Variants in PAM16 observed in about 807,000 individuals in gnomAD.
The protein encoded by PAM16 is presequence translocase associated motor 16.
In PAM16, 11 loss-of-function variants were observed where a neutral mutation model predicts 17.9. That is an observed-to-expected ratio of 0.62 (90% CI 0.39 to 1.02). The LOEUF (loss-of-function observed/expected upper bound fraction) is 1.02. Ranked by LOEUF, PAM16 falls within the 50% of genes least tolerant of loss-of-function variation. The pLI is 0.01. For missense variants in PAM16, 199 were observed against 165.4 expected, an observed-to-expected ratio of 1.20 and a Z score of -1.11; for synonymous variants, 72 against 67.4, an observed-to-expected ratio of 1.07 and a Z score of -0.34.
chr16:4,344,201 TGTGAGAGGAGGGCGTTCC>T (rs1567230830), intron 1 of PAM16: 12 of 287,614 alleles, frequency 4.2e-5, no homozygotes, highest in African/African-American at 1.0e-4. Flanking sequence ...GGGGGTTCTG[TGTGAGAGGAGGGCGTTCC>T]GTGAGAGGAG....
intron 2 of PAM16, 94 bp from the exon 3 acceptor site, chr16:4,341,598 G>A: frequency 6.7e-7 from 1 of 1,489,168 alleles, no homozygotes; most frequent in Non-Finnish European, 8.9e-7. Context: ...CACCAGCACA[G>A]GATGAGAGAC....
intron 1 of PAM16, among the ~76,000 whole-genome samples, chr16:4,350,491 C>T (rs2053833843): frequency 1.3e-5 from 2 of 151,922 alleles, no homozygotes; most frequent in African/African-American, 2.4e-5. Context: ...ACCTCTGTCT[C>T]GCGGGTTCAA....
chr16:4,345,562 C>T (rs2053745061), intron 1 of PAM16: 7 of 152,200 alleles, frequency 4.6e-5, no homozygotes, highest in Admixed American at 4.6e-4. Context: ...CTCCGAGGAC[C>T]TGCTCTTTCC....
At position 4,351,266 on chromosome 16, in the gene PAM16, C is replaced by A; in HGVS notation, c.-32G>T. The stretch of plus-strand genomic sequence containing the variant: ...CGCTCTGCCTCCGGGGCTCAAACTC[C>A]GACTTCCTGGCCCCGCGGCCGGGGA... On this transcript the variant is annotated 5_prime_UTR_variant, in exon 1 of 5. Transcript: ENST00000318059. 6.8e-7 allele frequency: 1 copy of A among 1,462,972 alleles called. No individual in the cohort carries two copies. 90.6% of individuals were successfully genotyped at this position (1,462,972 alleles called of 1,614,324 possible).
chr16:4,343,150 G>A (rs566954420), intron 2 of PAM16, 57 bp downstream of exon 2: 2 of 1,610,610 alleles, frequency 1.2e-6, no homozygotes, highest in African/African-American at 1.3e-5. Flanking sequence ...TGGCTACGGG[G>A]AAAATCTGAC....
chr16:4,344,709 C>G (rs528617303), intron 1 of PAM16, among the ~76,000 whole-genome samples: 1 of 1,618 alleles, frequency 6.2e-4, no homozygotes, highest in African/African-American at 5.8e-3. Flanking sequence ...GAAGGGGGTT[C>G]CGTGAGAGGA....
In PAM16 at chr16:4,340,338, C is replaced by A. The variant is rs1326418914; in HGVS notation, c.359G>T (p.Gly120Val). The change falls in exon 5 of 5, where the codon GGG becomes GTG. Residue 120 changes from glycine (G) to valine (V), a missense_variant. Transcript: ENST00000318059. ...GAGCAGTCACGTATGGGGCATCTGCCCTTTTTCTCTGTCCTCCTGGGCCTG... is the reference window on the plus strand; with the variant it reads ...GAGCAGTCACGTATGGGGCATCTGCACTTTTTCTCTGTCCTCCTGGGCCTG... Reference protein sequence around the residue: ...KIQAQEDREKGQMPHT With the variant: ...KIQAQEDREKVQMPHT 1.2e-6 allele frequency: 2 copies of A among 1,612,962 alleles called. No homozygotes were observed. Among genetic ancestry groups the A allele is most frequent in the Non-Finnish European group, 1.7e-6 (2 of 1,179,874 alleles).
chr16:4,340,873 G>T lies in PAM16; in HGVS notation c.291+47C>A, dbSNP rs1325605060. ...CTAGGAATTGAGCCCCAGGTGAGAAGAAGGGGTCCCATGACTTCATTCCTC... is the reference window on the plus strand; with the variant it reads ...CTAGGAATTGAGCCCCAGGTGAGAATAAGGGGTCCCATGACTTCATTCCTC... On this transcript the variant is annotated intron_variant, in intron 4 of 4. Transcript: ENST00000318059. 4 of 1,609,060 alleles carry T rather than the reference G, an allele frequency of 2.5e-6. No individual in the cohort carries two copies. In the South Asian group the frequency reaches 3.3e-5, roughly 13 times the overall value.
chr16:4,350,306 G>A (rs1306049528), intron 1 of PAM16, among the ~76,000 whole-genome samples: 1 of 149,926 alleles, frequency 6.7e-6, no homozygotes, highest in Non-Finnish European at 1.5e-5. Flanking sequence ...ATGTGTGTGT[G>A]TGTGTATATA....
chr16:4,343,728 T>G, intron 1 of PAM16: 1 of 437,740 alleles, frequency 2.3e-6, no homozygotes, highest in Non-Finnish European at 3.9e-6. Flanking sequence ...CAACCTTTAC[T>G]TTACCAACGG....
chr16:4,347,200 G>A (rs2053772164), intron 1 of PAM16: 1 of 152,310 alleles, frequency 6.6e-6, no homozygotes. Flanking sequence ...GGCGGGATGT[G>A]ATATGGGCCA....
intron 1 of PAM16, among the ~76,000 whole-genome samples, chr16:4,350,628 C>T (rs926508685): frequency 2.6e-5 from 4 of 152,052 alleles, no homozygotes; most frequent in Non-Finnish European, 5.9e-5. Context: ...GTCTCGAACT[C>T]CTGACCTCGT....
intron 1 of PAM16, among the ~76,000 whole-genome samples, chr16:4,350,182 T>C (rs1366405437): frequency 6.6e-6 from 1 of 151,414 alleles, no homozygotes; most frequent in East Asian, 1.9e-4. Context: ...TGGCACAATC[T>C]TGGTTCACTG....
chr16:4,342,261 G>C (rs1252535616), intron 2 of PAM16, among the ~76,000 whole-genome samples: 1 of 152,280 alleles, frequency 6.6e-6, no homozygotes, highest in Non-Finnish European at 1.5e-5. Context: ...GAGAGGCTGA[G>C]GCAGGAGCAT....
rs775795788 is a variant in PAM16 at position 4,343,200 on chromosome 16, T to G, written c.88+7A>C. ...CCAGCCCACAGGGGAGACGGACCCATGCTTACCTGCAAACTCCTGCCGCAA... is the reference window on the plus strand; with the variant it reads ...CCAGCCCACAGGGGAGACGGACCCAGGCTTACCTGCAAACTCCTGCCGCAA... On this transcript the variant is annotated splice_region_variant and intron_variant, in intron 2 of 4. Coordinates refer to ENST00000318059, the MANE Select transcript of PAM16 (RefSeq NM_016069.11). 27 of 1,612,084 alleles carry G rather than the reference T, an allele frequency of 1.7e-5. No homozygotes were observed. In the South Asian group the frequency reaches 2.9e-4, roughly 17 times the overall value.
rs2053748926 is a variant in PAM16, at chr16:4,345,757, G to GA, written c.4-2467dup. The GA allele has an allele frequency of 4.4e-6, 3 of 686,846 alleles. No individual in the cohort carries two copies. The African/African-American group carries it at 5.8e-5, about 13-fold the overall frequency. 42.5% of individuals were successfully genotyped at this position (686,846 alleles called of 1,614,324 possible). ...GTACTGCAGATGAGGGAGGGTCAGG[G>GA]ATGCACCTGATGACACCTGCGGTCT... is the stretch of plus-strand genomic sequence containing the variant. On this transcript the variant is annotated intron_variant, in intron 1 of 4. Coordinates refer to ENST00000318059, the MANE Select transcript of PAM16 (RefSeq NM_016069.11).
intron 2 of PAM16, 60 bp downstream of exon 2, chr16:4,343,147 G>C: frequency 1.2e-6 from 2 of 1,609,548 alleles, no homozygotes; most frequent in Non-Finnish European, 1.7e-6. Context: ...CCATGGCTAC[G>C]GGGAAAATCT....
Position 4,341,547 on chromosome 16 carries a change from C to A in PAM16, c.89-43G>T, listed in dbSNP as rs550914000. The stretch of plus-strand genomic sequence containing the variant: ...TGATCGCTCAGTCCTCAGCAGCCCA[C>A]ACTTCACCCTGGGCCTTCCGAGTTG... On this transcript the variant is annotated intron_variant, in intron 2 of 4. Coordinates refer to ENST00000318059, the MANE Select transcript of PAM16 (RefSeq NM_016069.11). 4.7e-5 allele frequency: 74 copies of A among 1,568,064 alleles called. 1 individual carries two copies. The South Asian group carries it at 8.3e-4, about 18-fold the overall frequency.
At chr16:4,341,093 G>T in intron 3 of PAM16, 108 bp from the exon 4 acceptor site, 1 of 1,411,934 alleles carries the variant, frequency 7.1e-7, no homozygotes, top group Non-Finnish European at 9.9e-7. Flanking sequence ...TCTCCACCCT[G>T]TGTGCCACAC....
Sources: allele counts gnomAD v4.1 joint callset (sites outside exome capture counted in the v4.1 genomes callset), GRCh38; gene constraint gnomAD v4.1.1; transcripts MANE v1.5; gene names NCBI Gene and HGNC (gene_info 2026-07-23, HGNC 2026-07-21).